MED16: variants seen among roughly 807,000 people sequenced by gnomAD.
The protein encoded by MED16 is mediator of RNA polymerase II transcription subunit 16.
Under a neutral mutation model 84.4 loss-of-function variants are expected in MED16, and 81 were observed. The observed-to-expected ratio is 0.96, with a 90% CI of 0.80 to 1.15. The LOEUF (loss-of-function observed/expected upper bound fraction) is 1.15, where lower values mean the gene tolerates loss of function less well. MED16 is among the 50% of genes most tolerant of loss of function. MED16 has a pLI of 0.00. For missense variants in MED16, 1,585 were observed against 1,245.9 expected, an observed-to-expected ratio of 1.27 and a Z score of -4.10; for synonymous variants, 897 against 552.2, an observed-to-expected ratio of 1.62 and a Z score of -8.76.
intron 7 of MED16, among the ~76,000 whole-genome samples, 197 bp from the exon 8 acceptor site, chr19:880,345 G>A (rs1192651494): frequency 1.3e-5 from 2 of 152,232 alleles, no homozygotes; most frequent in Non-Finnish European, 2.9e-5. Context: ...AGGGGAGCAG[G>A]AGCCAGCAGC....
Position 881,584 on chromosome 19 carries a change from G to T in MED16, c.1116C>A (p.Ser372Arg). 6.2e-7 allele frequency: 1 copy of T among 1,612,392 alleles called. No individual in the cohort carries two copies. The highest frequency in any genetic ancestry group is 1.1e-5 in the South Asian group (1 of 91,074). Residue 372 changes from serine to arginine, a missense_variant, in exon 7 of 16, where the codon AGC becomes AGA. Coordinates refer to ENST00000325464, the MANE Select transcript of MED16 (RefSeq NM_005481.3). ...CGAGGCCAGGGTAGAACTGTGTGTC[G>T]CTGGCCACCTTGAGGTCGGTGTTGG... ...SLTNTDLKVA[S>R]DTQFYPGLGL...
intron 8 of MED16, among the ~76,000 whole-genome samples, chr19:878,254 C>A: frequency 1.1e-5 from 1 of 89,072 alleles, no homozygotes; most frequent in East Asian, 4.1e-4. Context: ...CCAGCCCCAG[C>A]CCCACGGGCC....
intron 8 of MED16, 110 bp from the exon 9 acceptor site, chr19:877,290 ACGCCCG>A: frequency 2.9e-6 from 3 of 1,030,526 alleles, no homozygotes; most frequent in Non-Finnish European, 4.2e-6. Context: ...GTGTGCGCGC[ACGCCCG>A]TGTGTGGGCC....
At chr19:881,820 C>A in intron 6 of MED16, 106 bp from the exon 7 acceptor site, 1 of 1,354,400 alleles carries the variant, frequency 7.4e-7, no homozygotes, top group Non-Finnish European at 1.0e-6. Flanking sequence ...CAGGGCCCTT[C>A]CCAGGTCTCA....
intron 9 of MED16, 77 bp downstream of exon 9, chr19:876,897 G>GCCACCACCTGCCATGGGGC: frequency 1.5e-6 from 2 of 1,357,592 alleles, no homozygotes; most frequent in Non-Finnish European, 1.9e-6. Flanking sequence ...CTGCCACGGG[G>GCCACCACCTGCCATGGGGC]CCCCACCTGC....
chr19:872,830 G>T, intron 11 of MED16: 2 of 413,218 alleles, frequency 4.8e-6, no homozygotes, highest in Non-Finnish European at 6.8e-6. Flanking sequence ...TTCGTGTAGG[G>T]GTGGGGCTGA....
intron 9 of MED16, among the ~76,000 whole-genome samples, chr19:876,527 G>A (rs907601172): frequency 2.0e-5 from 3 of 152,094 alleles, no homozygotes; most frequent in Admixed American, 6.5e-5. Flanking sequence ...GGCCTTACCT[G>A]TGGGGCTTAA....
At chr19:888,489 A>G (rs1329059000) in intron 4 of MED16, among the ~76,000 whole-genome samples, 2 of 146,744 alleles carry the variant, frequency 1.4e-5, no homozygotes, top group Non-Finnish European at 3.0e-5. Context: ...GCATCACTGC[A>G]CTCCAGCCTG....
At chr19:885,638 C>CG (rs966791051) in intron 5 of MED16, 132 bp downstream of exon 5, 9 of 1,095,012 alleles carry the variant, frequency 8.2e-6, no homozygotes, top group African/African-American at 7.9e-5. Flanking sequence ...CTGGAGCCCC[C>CG]GGGAGGGACC....
chr19:873,310 G>A, intron 11 of MED16, 139 bp downstream of exon 11: 7 of 691,500 alleles, frequency 1.0e-5, no homozygotes, highest in Non-Finnish European at 1.4e-5. Flanking sequence ...TCCAAGTAGG[G>A]GCGGGACTCC....
At chr19:879,427 A>T (rs368736934) in intron 8 of MED16, among the ~76,000 whole-genome samples, 1 of 13,374 alleles carries the variant, frequency 7.5e-5, no homozygotes, top group Non-Finnish European at 1.7e-4. Flanking sequence ...ATGCCCACCA[A>T]CCCCAGCCCC....
At chr19:881,532 G>C (rs772760093) in intron 7 of MED16, 27 bp downstream of exon 7, 2 of 1,595,960 alleles carry the variant, frequency 1.3e-6, no homozygotes, top group Non-Finnish European at 8.5e-7. Context: ...CTGAGGCCCC[G>C]CGTGGCTGCC....
chr19:870,982 C>A, intron 13 of MED16, 55 bp downstream of exon 13: 2 of 1,455,456 alleles, frequency 1.4e-6, no homozygotes, highest in South Asian at 1.4e-5. Context: ...GGTCCCGGGG[C>A]AGGACACGGA....
intron 6 of MED16, among the ~76,000 whole-genome samples, chr19:882,344 A>AC (rs1001231583): frequency 6.6e-6 from 1 of 151,922 alleles, no homozygotes; most frequent in African/African-American, 2.4e-5. Flanking sequence ...CCCATTCTCT[A>AC]CAAAAAAAAC....
rs2035953763 is a variant in MED16 at position 868,006 on chromosome 19, G to A, written c.*95C>T. 6.8e-7 allele frequency: 1 copy of A among 1,460,590 alleles called. No homozygotes were observed. The highest frequency in any genetic ancestry group is 9.1e-7 in the Non-Finnish European group (1 of 1,097,558). 90.5% of individuals were successfully genotyped at this position (1,460,590 alleles called of 1,614,324 possible). ...ATTGGACCTGTCCTTCCCAGCCGCT[G>A]CTTGTCCAGGTTCAGCGCTCTCCGC... is the stretch of plus-strand genomic sequence containing the variant. On this transcript the variant is annotated 3_prime_UTR_variant, in exon 16 of 16. Coordinates refer to ENST00000325464, the MANE Select transcript of MED16 (RefSeq NM_005481.3).
chr19:880,561 G>T (rs1032012924), intron 7 of MED16, among the ~76,000 whole-genome samples: 1 of 152,198 alleles, frequency 6.6e-6, no homozygotes, highest in South Asian at 2.1e-4. Flanking sequence ...ACGAGGGCCG[G>T]GGGGAGGTGG....
At chr19:885,106 T>C (rs765614101) in intron 5 of MED16, 98 bp from the exon 6 acceptor site, 116 of 882,966 alleles carry the variant, frequency 1.3e-4, no homozygotes, top group Middle Eastern at 5.5e-4. Context: ...CACGCACTGC[T>C]GGGCCTGTCT....
At chr19:874,080 T>C (rs2036168682) in intron 10 of MED16, among the ~76,000 whole-genome samples, 1 of 152,034 alleles carries the variant, frequency 6.6e-6, no homozygotes, top group African/African-American at 2.4e-5. Context: ...GTGCCACGTG[T>C]CCACACTCAA....
chr19:877,595 T>TG (rs1555716201), intron 8 of MED16, among the ~76,000 whole-genome samples: 2 of 87,074 alleles, frequency 2.3e-5, no homozygotes, highest in Non-Finnish European at 2.7e-5. Context: ...GCGAGGGGCT[T>TG]GCACCTGTGG....
Sources: gnomAD v4.1 joint callset for allele counts (sites outside exome capture counted in the v4.1 genomes callset) on GRCh38, gnomAD v4.1.1 for gene constraint, MANE v1.5 for transcripts, NCBI Gene and HGNC (gene_info 2026-07-23, HGNC 2026-07-21) for gene names.